FAM222B: variants seen among roughly 807,000 people sequenced by gnomAD.
FAM222B encodes protein FAM222B.
Under a neutral mutation model 38.0 loss-of-function variants are expected in FAM222B, and 12 were observed. The observed-to-expected ratio is 0.32, with a 90% CI of 0.20 to 0.51. The LOEUF is 0.51. FAM222B is among the 20% of genes least tolerant of loss of function. FAM222B has a pLI of 0.97. For synonymous variants in FAM222B, 329 were observed against 317.2 expected, an observed-to-expected ratio of 1.04 and a Z score of -0.40; for missense variants, 716 against 754.2, an observed-to-expected ratio of 0.95 and a Z score of 0.59.
intron 1 of FAM222B, among the ~76,000 whole-genome samples, chr17:28,773,726 A>G (rs2035751124): frequency 6.6e-6 from 1 of 151,852 alleles, no homozygotes; most frequent in African/African-American, 2.4e-5. Context: ...TGGGTCCAGA[A>G]GGCGGAGGTT....
intron 1 of FAM222B, among the ~76,000 whole-genome samples, chr17:28,823,063 A>G (rs1370005301): frequency 4.0e-5 from 6 of 149,686 alleles, no homozygotes; most frequent in Non-Finnish European, 7.4e-5. Context: ...CTTGGGGGGA[A>G]AAAAAAAACA....
chr17:28,818,443 G>A (rs979063368), intron 1 of FAM222B, among the ~76,000 whole-genome samples: 1 of 151,660 alleles, frequency 6.6e-6, no homozygotes, highest in Non-Finnish European at 1.5e-5. Flanking sequence ...CAGGAGAATG[G>A]CGTGAACCTG....
At chr17:28,799,043 C>T (rs371809545) in intron 1 of FAM222B, among the ~76,000 whole-genome samples, 4 of 151,256 alleles carry the variant, frequency 2.6e-5, no homozygotes, top group Non-Finnish European at 5.9e-5. Flanking sequence ...GGCACGATCT[C>T]GGCTCACTGC....
chr17:28,783,518 T>A (rs2036252142), intron 1 of FAM222B, among the ~76,000 whole-genome samples: 1 of 151,890 alleles, frequency 6.6e-6, no homozygotes, highest in Non-Finnish European at 1.5e-5. Flanking sequence ...CATGAGATTT[T>A]TTTTTTTTTT....
At chr17:28,846,410 G>A (rs545512582), upstream of FAM222B, among the ~76,000 whole-genome samples, 168 of 151,976 alleles carry the variant, frequency 1.1e-3, 1 homozygote, top group African/African-American at 3.5e-3. Flanking sequence ...GGCCAGGTAC[G>A]GTGACTCACG....
chr17:28,770,569 A>ATT (rs1491434552), intron 1 of FAM222B, among the ~76,000 whole-genome samples: 1 of 138,972 alleles, frequency 7.2e-6, no homozygotes, highest in African/African-American at 2.6e-5. Flanking sequence ...TGCCCAGCTA[A>ATT]TATTTTTTTT....
chr17:28,823,576 CTTACTATG>C (rs1394105897), intron 1 of FAM222B, among the ~76,000 whole-genome samples: 2 of 152,114 alleles, frequency 1.3e-5, no homozygotes, highest in African/African-American at 4.8e-5. Flanking sequence ...GACACAGGAT[CTTACTATG>C]TTACCCAGGC....
At chr17:28,839,126 G>A (rs1040134805) in intron 1 of FAM222B, among the ~76,000 whole-genome samples, 5 of 152,076 alleles carry the variant, frequency 3.3e-5, no homozygotes, top group Non-Finnish European at 7.4e-5. Context: ...AGAATGGCGA[G>A]AACCCGGGAG....
rs186922550 is a variant in FAM222B at position 28,759,872 on chromosome 17, G to T, written c.87C>A (p.Asp29Glu). Residue 29 changes from aspartate to glutamate, a missense_variant, in exon 3 of 3, where the codon GAC becomes GAA. Coordinates refer to ENST00000581407, the MANE Select transcript of FAM222B (RefSeq NM_001077498.3). This position sits in a 1 kb window ranked among gnomAD's most constrained non-coding sequence, Gnocchi z 4.8. ...TQMNTGLQKWDTTQKMRTAHY... is the reference protein window; with the variant it reads ...TQMNTGLQKWETTQKMRTAHY... ...GAGCAGTTCTCATTTTCTGTGTAGT[G>T]TCCCCTAGAGAGAGAGAATGGGAAG... The T allele has an allele frequency of 1.1e-5, 16 of 1,523,534 alleles. No homozygotes were observed. In the East Asian group the frequency reaches 3.4e-4, roughly 33 times the overall value. The allele number at this position is 1,523,534 out of a possible 1,614,324, so 94.4% of individuals were successfully genotyped here. A position where few individuals can be genotyped will look rare whatever the true frequency, so the allele number is the denominator to read the frequency against.
At chr17:28,771,005 TA>T (rs1027350466) in intron 1 of FAM222B, among the ~76,000 whole-genome samples, 4 of 149,900 alleles carry the variant, frequency 2.7e-5, no homozygotes, top group South Asian at 2.1e-4. Flanking sequence ...TATATATATA[TA>T]TTTTTTCTTT....
rs1567838640 is a variant in FAM222B at position 28,790,883 on chromosome 17, A to AAATTTTTTTTTTTTTTTTTTT, written c.-40-24177_-40-24176insAAAAAAAAAAAAAAAAAAATT. On this transcript the variant is annotated intron_variant, in intron 1 of 2. Coordinates refer to ENST00000581407, the MANE Select transcript of FAM222B (RefSeq NM_001077498.3). ...TGTTCTATATATTTCAAATTGTTTC[A>AAATTTTTTTTTTTTTTTTTTT]CTTTTTTTTTTTTTTTTTTTTTTTT... Among the ~76,000 whole-genome samples, 5 of 8,906 alleles carry AAATTTTTTTTTTTTTTTTTTT rather than the reference A, an allele frequency of 5.6e-4. 1 individual carries two copies. The highest frequency in any genetic ancestry group is 2.7e-3 in the African/African-American group (5 of 1,858). 5.8% of individuals were successfully genotyped at this position (8,906 alleles called of 152,430 possible). A position where few individuals can be genotyped will look rare whatever the true frequency, so the allele number is the denominator to read the frequency against.
chr17:28,843,853 G>C (rs1177439697), upstream of FAM222B, among the ~76,000 whole-genome samples: 2 of 152,176 alleles, frequency 1.3e-5, no homozygotes, highest in African/African-American at 4.8e-5. Context: ...GAGGTGCAAT[G>C]AAGTCCTGGG....
At chr17:28,804,939 G>C (rs977735840) in intron 1 of FAM222B, among the ~76,000 whole-genome samples, 1 of 151,872 alleles carries the variant, frequency 6.6e-6, no homozygotes, top group Non-Finnish European at 1.5e-5. Context: ...CCAGCTACTC[G>C]GGAGGCTGAG....
At chr17:28,828,095 ATTTTTTTTTT>A (rs528492764) in intron 1 of FAM222B, among the ~76,000 whole-genome samples, 15 of 74,636 alleles carry the variant, frequency 2.0e-4, no homozygotes, top group Non-Finnish European at 2.8e-4. Flanking sequence ...ATCAAATCCA[ATTTTTTTTTT>A]TTTTTTTTTT....
At chr17:28,773,479 C>CAAAAAAAAA (rs66716142) in intron 1 of FAM222B, among the ~76,000 whole-genome samples, 2 of 60,758 alleles carry the variant, frequency 3.3e-5, no homozygotes, top group Non-Finnish European at 2.8e-5. Context: ...AACTCTGTCT[C>CAAAAAAAAA]AAAAAAAAAA....
chr17:28,825,932 G>T (rs1339258336), intron 1 of FAM222B, among the ~76,000 whole-genome samples: 1 of 150,192 alleles, frequency 6.7e-6, no homozygotes, highest in Admixed American at 6.7e-5. Flanking sequence ...CCACCACCAT[G>T]CCCGCCTAAT....
In FAM222B at chr17:28,851,768, G is replaced by A. The variant is rs536539575; in HGVS notation, c.-41+3182C>T. 5.3e-5 allele frequency among the ~76,000 whole-genome samples: 8 copies of A among 151,658 alleles called. No individual in the cohort carries two copies. In the South Asian group the frequency reaches 8.3e-4, roughly 16 times the overall value. On this transcript the variant is annotated intron_variant, in intron 1 of 2. Coordinates refer to the FAM222B transcript ENST00000577513. ...CGGGCACCTGTAATCCCAGCTACTC[G>A]GGAGGCTGAGCCAGGAGAATCACTT...
At chr17:28,806,189 T>A (rs1485338842) in intron 1 of FAM222B, among the ~76,000 whole-genome samples, 1 of 152,084 alleles carries the variant, frequency 6.6e-6, no homozygotes, top group Non-Finnish European at 1.5e-5. Context: ...ATCTTTGGAT[T>A]GATTTCACCT....
chr17:28,850,664 G>A (rs994831243), intron 1 of FAM222B, among the ~76,000 whole-genome samples: 3 of 152,022 alleles, frequency 2.0e-5, no homozygotes, highest in Admixed American at 6.6e-5. Flanking sequence ...GTTTAGTCTC[G>A]GGTATTTTTG....
Sources: gnomAD v4.1 joint callset for allele counts (sites outside exome capture counted in the v4.1 genomes callset) on GRCh38, gnomAD v4.1.1 for gene constraint, Gnocchi (gnomAD v3.1) non-coding constraint, MANE v1.5 for transcripts, NCBI Gene and HGNC (gene_info 2026-07-23, HGNC 2026-07-21) for gene names.